The following TGM2 variants were observed in gnomAD, a reference collection of about 807,000 sequenced individuals.
TGM2 encodes the protein transglutaminase 2.
TGM2 carries 53 observed loss-of-function variants against 75.6 expected under a neutral mutation model. The observed-to-expected ratio is 0.70, with a 90% CI of 0.56 to 0.88. TGM2 has a LOEUF of 0.88. Ranked by LOEUF, TGM2 falls within the 40% of genes least tolerant of loss-of-function variation. The pLI is 0.00. For missense variants in TGM2, 842 were observed against 928.5 expected (o/e 0.91, Z 1.21); for synonymous variants, 374 against 381.1 (o/e 0.98, Z 0.22).
At chr20:38,132,835 G>C (rs1288779989) in intron 10 of TGM2, 1 of 471,484 alleles carries the variant, frequency 2.1e-6, no homozygotes, top group African/African-American at 2.0e-5. Context: ...CACTCCTAAG[G>C]CTGTGGGAGG....
chr20:38,144,029 C>A (rs2075012087), intron 6 of TGM2, among the ~76,000 whole-genome samples: 2 of 152,230 alleles, frequency 1.3e-5, no homozygotes, highest in Non-Finnish European at 1.5e-5. Context: ...TCAGTGAAGG[C>A]TGGTGTCCTA....
chr20:38,148,002 G>T lies in TGM2; in HGVS notation c.640C>A (p.Arg214Ser). ...LKNAGRDCSR[R>S]SSPVYVGRVV... ...CGGCCCACGTAGACGGGGCTGCTGCGGCGGGAGCAGTCACGGCCGGCGTTC... is the reference window on the plus strand; with the variant it reads ...CGGCCCACGTAGACGGGGCTGCTGCTGCGGGAGCAGTCACGGCCGGCGTTC... Residue 214 changes from arginine to serine, a missense_variant, in exon 5 of 13, where the codon CGC (arginine) becomes AGC (serine). Arg to Ser is a moderately radical substitution (Grantham distance 110, BLOSUM62 -1). Transcript: ENST00000361475. 6.2e-7 allele frequency: 1 copy of T among 1,604,900 alleles called. No individual in the cohort carries two copies. The highest frequency in any genetic ancestry group is 1.7e-5 in the Admixed American group (1 of 58,762).
chr20:38,133,236 A>C (rs1728277252), intron 10 of TGM2: 1 of 199,696 alleles, frequency 5.0e-6, no homozygotes, highest in Non-Finnish European at 1.1e-5. Context: ...TACCCGTTGC[A>C]CAGATGAAGA....
At chr20:38,148,148 G>A (rs968811805) in intron 4 of TGM2, 59 bp from the exon 5 acceptor site, 13 of 1,610,682 alleles carry the variant, frequency 8.1e-6, no homozygotes, top group African/African-American at 1.3e-5. Context: ...CCTCCAGGAA[G>A]CCTGCGTTGA....
chr20:38,164,920 C>T (rs571289370), intron 1 of TGM2, among the ~76,000 whole-genome samples: 14 of 152,350 alleles, frequency 9.2e-5, no homozygotes, highest in East Asian at 1.9e-4. Flanking sequence ...ACTGAGGACA[C>T]GTGCCAGTGG....
At chr20:38,163,274 G>A (rs539745018) in intron 1 of TGM2, among the ~76,000 whole-genome samples, 3 of 152,270 alleles carry the variant, frequency 2.0e-5, no homozygotes, top group South Asian at 4.1e-4. Flanking sequence ...TGGAGCCACT[G>A]GACAGCATGT....
rs1380571252 is a variant in TGM2, at chr20:38,128,546, G to C, written c.*1673C>G. The C allele has an allele frequency of 6.6e-6, 1 of 152,222 alleles. No homozygotes were observed. The highest frequency in any genetic ancestry group is 1.5e-5 in the Non-Finnish European group (1 of 68,042). 9.4% of individuals were successfully genotyped at this position (152,222 alleles called of 1,614,324 possible). A position where few individuals can be genotyped will look rare whatever the true frequency, so the allele number is the denominator to read the frequency against. Reference sequence around the variant, plus strand: ...ATCTACTGCCTGGTTGGAACCCAAGGCTTTTATAAAACCGTAGAGAAATAG... The same window carrying C: ...ATCTACTGCCTGGTTGGAACCCAAGCCTTTTATAAAACCGTAGAGAAATAG... On this transcript the variant is annotated 3_prime_UTR_variant, in exon 13 of 13. Coordinates refer to ENST00000361475, the MANE Select transcript of TGM2 (RefSeq NM_004613.4).
intron 1 of TGM2, among the ~76,000 whole-genome samples, chr20:38,164,342 A>G (rs1332997812): frequency 6.6e-6 from 1 of 152,098 alleles, no homozygotes; most frequent in Non-Finnish European, 1.5e-5. Context: ...GATGAACTTG[A>G]CCCAAGAGCC....
At chr20:38,137,883 C>T in intron 10 of TGM2, 1 of 954,674 alleles carries the variant, frequency 1.0e-6, no homozygotes, top group Non-Finnish European at 1.5e-6. Flanking sequence ...CCTCTCTGTG[C>T]CTCAGTCTAC....
intron 7 of TGM2, 116 bp from the exon 8 acceptor site, chr20:38,141,501 G>A: frequency 1.2e-6 from 1 of 813,350 alleles, no homozygotes; most frequent in Non-Finnish European, 2.1e-6. Flanking sequence ...GTCCCAAACT[G>A]AGCCCAGGGT....
In TGM2 at chr20:38,146,885, T is replaced by C. The variant is rs2075053245; in HGVS notation, c.691A>G (p.Asn231Asp). ...CCCAGCAGCACACCCTGGTCATCGT[T>C]GCAGTTGACCTGCAACCAGTGGGGC... Reference protein sequence around the residue: ...GRVVSGMVNCNDDQGVLLGRW... With the variant: ...GRVVSGMVNCDDDQGVLLGRW... Residue 231 changes from asparagine to aspartate, a missense_variant, in exon 6 of 13, where the codon AAC becomes GAC. Transcript: ENST00000361475. The C allele has an allele frequency of 6.2e-7, 1 of 1,613,102 alleles. No homozygotes were observed. Among genetic ancestry groups the C allele is most frequent in the Admixed American group, 1.7e-5 (1 of 60,030 alleles).
rs1272954128 is a variant in TGM2 at position 38,142,122 on chromosome 20, T to C, written c.937A>G (p.Ile313Val). 6.2e-7 allele frequency: 1 copy of C among 1,612,954 alleles called. No homozygotes were observed. The highest frequency in any genetic ancestry group is 1.3e-5 in the African/African-American group (1 of 74,898). The stretch of plus-strand genomic sequence containing the variant: ...CCAAACTCATTGCGGAAGTACTCGA[T>C]GAGAAGGTTGCTGTTCTGGTCATGG... ...SAHDQNSNLL[I>V]EYFRNEFGEI... Residue 313 changes from isoleucine to valine, a missense_variant, in exon 7 of 13, where the codon ATC (isoleucine) becomes GTC (valine). Physicochemically the swap from Ile to Val is conservative, Grantham distance 29. Coordinates refer to ENST00000361475, the MANE Select transcript of TGM2 (RefSeq NM_004613.4).
In TGM2 at chr20:38,146,805, G is replaced by A. The variant is rs147698974; in HGVS notation, c.771C>T (p.Ser257=). ...TCTTCCAGCGCCGCAGGATGTCCAC[G>A]CTGCCGATCCAGGACATGGGGCTGA... ...DGVSPMSWIG[S]VDILRRWKNH... Residue 257 remains serine (S), a synonymous_variant, in exon 6 of 13, where the codon AGC becomes AGT. Coordinates refer to ENST00000361475, the MANE Select transcript of TGM2 (RefSeq NM_004613.4). The A allele has an allele frequency of 1.8e-5, 29 of 1,613,968 alleles. No homozygotes were observed. The highest frequency in any genetic ancestry group is 1.6e-4 in the African/African-American group (12 of 75,056).
intron 3 of TGM2, among the ~76,000 whole-genome samples, chr20:38,154,163 A>G (rs1183444878): frequency 1.3e-5 from 2 of 152,230 alleles, no homozygotes; most frequent in Non-Finnish European, 2.9e-5. Flanking sequence ...GAATGCTGTC[A>G]TGGTTTACTG....
chr20:38,130,959 G>T, intron 12 of TGM2, 134 bp downstream of exon 12: 2 of 1,398,154 alleles, frequency 1.4e-6, no homozygotes, highest in Non-Finnish European at 2.0e-6. Context: ...AGGGTGTCTG[G>T]GAGTGGGCAC....
At position 38,128,760 on chromosome 20, in the gene TGM2, C is replaced by A. The variant is rs1221062867; in HGVS notation, c.*1459G>T. ...TCTTCCAGCCCAAGGGAGGCCCAGTCATGTAGAAAGAGCAGGAGATAAAGT... is the reference window on the plus strand; with the variant it reads ...TCTTCCAGCCCAAGGGAGGCCCAGTAATGTAGAAAGAGCAGGAGATAAAGT... On this transcript the variant is annotated 3_prime_UTR_variant, in exon 13 of 13. Coordinates refer to ENST00000361475, the MANE Select transcript of TGM2 (RefSeq NM_004613.4). 6.6e-6 allele frequency: 1 copy of A among 152,260 alleles called. No individual in the cohort carries two copies. Among genetic ancestry groups the A allele is most frequent in the Non-Finnish European group, 1.5e-5 (1 of 68,088 alleles). 9.4% of individuals were successfully genotyped at this position (152,260 alleles called of 1,614,324 possible). A position where few individuals can be genotyped will look rare whatever the true frequency, so the allele number is the denominator to read the frequency against.
upstream of TGM2, among the ~76,000 whole-genome samples, chr20:38,167,388 G>A (rs79140021): frequency 0.01 from 1,565 of 152,264 alleles, 36 homozygotes; most frequent in African/African-American, 0.036. Context: ...CACCCAGATC[G>A]TGTAGTGGTG....
intron 1 of TGM2, 25 bp downstream of exon 1, chr20:38,165,164 C>T (rs769473913): frequency 2.5e-6 from 4 of 1,613,428 alleles, no homozygotes; most frequent in Non-Finnish European, 3.4e-6. Context: ...CCCTGAGTGG[C>T]GGCTGCGGTG....
chr20:38,157,287 G>A (rs981855753), intron 2 of TGM2, among the ~76,000 whole-genome samples: 2 of 152,028 alleles, frequency 1.3e-5, no homozygotes, highest in Admixed American at 6.5e-5. Flanking sequence ...GAACTAACAG[G>A]CATGACACAG....
Sources: allele counts gnomAD v4.1 joint callset (sites outside exome capture counted in the v4.1 genomes callset), GRCh38; gene constraint gnomAD v4.1.1; transcripts MANE v1.5; gene names NCBI Gene and HGNC (gene_info 2026-07-23, HGNC 2026-07-21).